The following BPNT1 variants were observed in gnomAD, a reference collection of about 807,000 sequenced individuals.
BPNT1 encodes 3'(2'), 5'-bisphosphate nucleotidase 1, also known as 3'(2'),5'-bisphosphate nucleotidase 1.
Under a neutral mutation model 36.9 loss-of-function variants are expected in BPNT1, and 28 were observed. The observed-to-expected ratio is 0.76, with a 90% CI of 0.56 to 1.04. The LOEUF (loss-of-function observed/expected upper bound fraction) is 1.04. BPNT1 is among the 50% of genes least tolerant of loss of function. The pLI is 0.00. For missense variants in BPNT1, 313 were observed against 372.9 expected (o/e 0.84, Z 1.32); for synonymous variants, 119 against 130.9 (o/e 0.91, Z 0.62).
chr1:220,079,378 A>C (rs1402482604), intron 2 of BPNT1, among the ~76,000 whole-genome samples: 1 of 151,580 alleles, frequency 6.6e-6, no homozygotes, highest in Admixed American at 6.6e-5. Context: ...TCAGCCTCCC[A>C]AGTAGCTGGG....
chr1:220,060,100 GTTGT>G (rs1418267252), intron 7 of BPNT1, among the ~76,000 whole-genome samples: 1 of 152,058 alleles, frequency 6.6e-6, no homozygotes, highest in Non-Finnish European at 1.5e-5. Context: ...TTTTATTCAC[GTTGT>G]TTTTCTTTTT....
chr1:220,063,994 T>C (rs1019482885), intron 6 of BPNT1, among the ~76,000 whole-genome samples: 1 of 152,188 alleles, frequency 6.6e-6, no homozygotes, highest in African/African-American at 2.4e-5. Context: ...AGTAGACATA[T>C]ATTATAGAGA....
intron 1 of BPNT1, among the ~76,000 whole-genome samples, chr1:220,081,498 G>A (rs6661761): frequency 0.21 from 31,267 of 151,534 alleles, 4,885 homozygotes; most frequent in East Asian, 0.45. Context: ...AGCAGAGATC[G>A]CACCACTGCA....
intron 1 of BPNT1, among the ~76,000 whole-genome samples, chr1:220,086,772 C>T (rs1003631145): frequency 2.6e-5 from 4 of 151,890 alleles, no homozygotes; most frequent in Admixed American, 2.6e-4. Flanking sequence ...GATGGGGTTT[C>T]ACCATGTTGG....
intron 2 of BPNT1, 139 bp downstream of exon 2, chr1:220,079,588 G>T: frequency 9.5e-7 from 1 of 1,054,678 alleles, no homozygotes; most frequent in Non-Finnish European, 1.4e-6. Context: ...GAACCCTTTA[G>T]AACCAAGCGT....
At chr1:220,064,070 C>T (rs980139705) in intron 6 of BPNT1, among the ~76,000 whole-genome samples, 1 of 152,126 alleles carries the variant, frequency 6.6e-6, no homozygotes, top group Admixed American at 6.6e-5. Context: ...CATGTATTAT[C>T]TCTCTTTCAA....
intron 1 of BPNT1, among the ~76,000 whole-genome samples, chr1:220,085,131 G>C (rs1655595590): frequency 6.6e-6 from 1 of 150,792 alleles, no homozygotes. Context: ...ATCTATACAA[G>C]AGGTCCCTTT....
chr1:220,059,243 C>CTTTTTT lies in BPNT1; in HGVS notation c.779-257_779-252dup, dbSNP rs11292010. Reference sequence around the variant, plus strand: ...TTAATTTTATTTAGCATTTTCTTTTCTTTTTTTTTTTTTTTTTTTTTTTTG... The same window carrying CTTTTTT: ...TTAATTTTATTTAGCATTTTCTTTTCTTTTTTTTTTTTTTTTTTTTTTTTTTTTTTG... On this transcript the variant is annotated intron_variant, in intron 8 of 8. Transcript: ENST00000322067. Among the ~76,000 whole-genome samples the CTTTTTT allele has an allele frequency of 6.0e-3, 347 of 57,870 alleles. 1 individual carries two copies. The highest frequency in any genetic ancestry group is 0.02 in the East Asian group (45 of 2,234). The allele number at this position is 57,870 out of a possible 152,430, so 38.0% of individuals were successfully genotyped here.
At chr1:220,061,246 C>G (rs1663000927) in intron 7 of BPNT1, among the ~76,000 whole-genome samples, 1 of 152,184 alleles carries the variant, frequency 6.6e-6, no homozygotes, top group South Asian at 2.1e-4. Context: ...TACTGACACA[C>G]AACTGAGATC....
Position 220,062,908 on chromosome 1 carries a change from C to T in BPNT1, c.521G>A (p.Gly174Asp). Residue 174 changes from glycine to aspartate, a missense_variant, in exon 7 of 9, where the codon GGT becomes GAT. Gly to Asp is a moderately conservative substitution (Grantham distance 94). Transcript: ENST00000322067. ...VLGRTIWGVL[G>D]LGAFGFQLKE... is the part of the protein sequence containing the mutation. ...CAGCTGAAACCCAAAGGCGCCTAAA[C>T]CTAAAACTCCCCAGATTGTCCTCCC... 6.2e-7 allele frequency: 1 copy of T among 1,614,138 alleles called. No homozygotes were observed. Among genetic ancestry groups the T allele is most frequent in the South Asian group, 1.1e-5 (1 of 91,080 alleles).
At chr1:220,073,013 G>T in intron 3 of BPNT1, 56 bp from the exon 4 acceptor site, 1 of 1,339,228 alleles carries the variant, frequency 7.5e-7, no homozygotes, top group Non-Finnish European at 1.1e-6. Flanking sequence ...TACAGAGTAT[G>T]CTTTGTCTCA....
At chr1:220,079,401 C>T (rs1240761254) in intron 2 of BPNT1, among the ~76,000 whole-genome samples, 2 of 152,004 alleles carry the variant, frequency 1.3e-5, no homozygotes, top group East Asian at 1.9e-4. Context: ...TACAGGCGCT[C>T]GCCACCACGC....
At chr1:220,071,424 C>T (rs938121141) in intron 4 of BPNT1, among the ~76,000 whole-genome samples, 2 of 152,102 alleles carry the variant, frequency 1.3e-5, no homozygotes, top group Non-Finnish European at 2.9e-5. Context: ...AGCAAATCTA[C>T]TACATATCTA....
chr1:220,061,897 T>C (rs1260996968), intron 7 of BPNT1, among the ~76,000 whole-genome samples: 1 of 151,984 alleles, frequency 6.6e-6, no homozygotes, highest in Non-Finnish European at 1.5e-5. Flanking sequence ...GGGAAATAGA[T>C]AGGAAGTGGG....
intron 1 of BPNT1, among the ~76,000 whole-genome samples, chr1:220,087,877 T>G (rs905841577): frequency 6.6e-6 from 1 of 151,998 alleles, no homozygotes; most frequent in African/African-American, 2.4e-5. Flanking sequence ...ATTAATTAAT[T>G]AATTTATTTA....
At chr1:220,086,323 T>G (rs1281338215) in intron 1 of BPNT1, among the ~76,000 whole-genome samples, 1 of 152,212 alleles carries the variant, frequency 6.6e-6, no homozygotes, top group Non-Finnish European at 1.5e-5. Context: ...CAGGCTAAAG[T>G]GCGGTGGCCT....
intron 2 of BPNT1, among the ~76,000 whole-genome samples, chr1:220,078,498 A>T (rs1664794675): frequency 7.1e-6 from 1 of 141,204 alleles, no homozygotes; most frequent in African/African-American, 2.6e-5. Flanking sequence ...TTTATAATAA[A>T]TTTTATATAA....
Position 220,069,412 on chromosome 1 carries a change from AG to A in BPNT1, c.353del (p.Pro118LeufsTer16), listed in dbSNP as rs1663841989. On this transcript the variant is annotated frameshift_variant, in exon 5 of 9. Transcript: ENST00000322067. LOFTEE classifies it high-confidence loss of function. Reference protein sequence around the residue: ...KEEDLVVWVDPLDGTKEYTEG... With the variant: ...KEEDLVVWVDXLDGTKEYTEG... ...CGGTATATTCCTTGGTTCCATCCAG[AG>A]GATCAACCCAGACCACGAGCTAAAA... The A allele has an allele frequency of 1.9e-6, 3 of 1,607,446 alleles. No homozygotes were observed. The highest frequency in any genetic ancestry group is 8.5e-7 in the Non-Finnish European group (1 of 1,177,260).
intron 1 of BPNT1, among the ~76,000 whole-genome samples, chr1:220,087,249 A>G (rs2102788530): frequency 6.6e-6 from 1 of 152,264 alleles, no homozygotes; most frequent in South Asian, 2.1e-4. Flanking sequence ...AAAATATTCT[A>G]TTGATAAATT....
Sources: allele counts gnomAD v4.1 joint callset (sites outside exome capture counted in the v4.1 genomes callset), GRCh38; gene constraint gnomAD v4.1.1; transcripts MANE v1.5; gene names NCBI Gene and HGNC (gene_info 2026-07-23, HGNC 2026-07-21).